The following CACNA2D1 variants were observed in gnomAD, a reference collection of about 807,000 sequenced individuals.
The protein encoded by CACNA2D1 is calcium voltage-gated channel auxiliary subunit alpha2delta 1.
CACNA2D1 carries 53 observed loss-of-function variants against 171.5 expected under a neutral mutation model. The ratio of observed to expected loss-of-function variants is 0.31; its 90% CI spans 0.25 to 0.39. The LOEUF (loss-of-function observed/expected upper bound fraction) is 0.39. Ranked by LOEUF, CACNA2D1 falls within the 10% of genes least tolerant of loss-of-function variation. The pLI is 1.00. For missense variants in CACNA2D1, 903 were observed against 1,299.8 expected (o/e 0.69, Z 4.69); for synonymous variants, 442 against 443.1 (o/e 1.00, Z 0.03).
intron 12 of CACNA2D1, chr7:82,023,804 G>T (rs562298275): frequency 6.6e-6 from 1 of 151,796 alleles, no homozygotes; most frequent in East Asian, 1.9e-4. Flanking sequence ...TATGTCCACT[G>T]ATTAGTAACT....
intron 8 of CACNA2D1, 76 bp downstream of exon 8, chr7:82,066,379 A>G (rs1807601650): frequency 8.3e-6 from 13 of 1,560,604 alleles, no homozygotes; most frequent in Non-Finnish European, 1.0e-5. Context: ...TCCTAATAAT[A>G]AAAAATTCTG....
intron 3 of CACNA2D1, among the ~76,000 whole-genome samples, chr7:82,238,089 T>G (rs186254492): frequency 2.0e-5 from 3 of 151,928 alleles, no homozygotes; most frequent in Non-Finnish European, 4.4e-5. Flanking sequence ...AATGAGGAAA[T>G]GAAAAGATAG....
At chr7:81,971,687 T>G in intron 26 of CACNA2D1, 90 bp downstream of exon 26, 1 of 770,082 alleles carries the variant, frequency 1.3e-6, no homozygotes, top group Non-Finnish European at 2.3e-6. Flanking sequence ...TAATGAACTG[T>G]AAATTTATGA....
At chr7:82,402,395 G>A (rs1826525150) in intron 1 of CACNA2D1, among the ~76,000 whole-genome samples, 1 of 152,086 alleles carries the variant, frequency 6.6e-6, no homozygotes, top group South Asian at 2.1e-4. Flanking sequence ...CCAGAATGAA[G>A]ATAGAAGGAG....
chr7:82,111,621 A>G (rs1258405017), intron 6 of CACNA2D1, among the ~76,000 whole-genome samples: 1 of 150,608 alleles, frequency 6.6e-6, no homozygotes, highest in African/African-American at 2.4e-5. Context: ...CTGTTTTTAA[A>G]ATTTGTTTAG....
intron 12 of CACNA2D1, among the ~76,000 whole-genome samples, chr7:82,026,048 T>C (rs1272329296): frequency 2.2e-5 from 3 of 136,816 alleles, no homozygotes; most frequent in Non-Finnish European, 4.8e-5. Flanking sequence ...CTCGTGTCAG[T>C]TTTTTTTTTT....
chr7:82,247,122 T>C (rs1307923322), intron 3 of CACNA2D1, among the ~76,000 whole-genome samples: 1 of 152,132 alleles, frequency 6.6e-6, no homozygotes, highest in Admixed American at 6.6e-5. Context: ...AGTGGGGAAA[T>C]ACAATTACAG....
intron 2 of CACNA2D1, among the ~76,000 whole-genome samples, chr7:82,336,155 T>G (rs1325362580): frequency 6.6e-6 from 1 of 152,188 alleles, no homozygotes; most frequent in South Asian, 2.1e-4. Flanking sequence ...AGGTTTTTAC[T>G]GTCTTATGAG....
chr7:82,064,020 C>T (rs934230893), intron 9 of CACNA2D1, among the ~76,000 whole-genome samples: 11 of 151,550 alleles, frequency 7.3e-5, no homozygotes, highest in African/African-American at 2.7e-4. Flanking sequence ...CTACCATGCC[C>T]GAACAAGTTC....
intron 18 of CACNA2D1, among the ~76,000 whole-genome samples, chr7:81,999,250 T>C (rs572688182): frequency 6.6e-6 from 1 of 152,296 alleles, no homozygotes; most frequent in African/African-American, 2.4e-5. Flanking sequence ...ACTTTTAATA[T>C]AGCAATCTAG....
chr7:82,191,873 T>A (rs1359248486), intron 3 of CACNA2D1, among the ~76,000 whole-genome samples: 1 of 151,798 alleles, frequency 6.6e-6, no homozygotes, highest in Non-Finnish European at 1.5e-5. Flanking sequence ...ACAAGCTTAA[T>A]GAGATACGCT....
chr7:82,388,157 G>A (rs2129450242), intron 1 of CACNA2D1, among the ~76,000 whole-genome samples: 1 of 152,066 alleles, frequency 6.6e-6, no homozygotes, highest in East Asian at 1.9e-4. Flanking sequence ...TGCTGGCAGG[G>A]TTGGCTTCTT....
At chr7:82,409,688 T>C (rs1212541058) in intron 1 of CACNA2D1, among the ~76,000 whole-genome samples, 1 of 152,202 alleles carries the variant, frequency 6.6e-6, no homozygotes, top group Non-Finnish European at 1.5e-5. Flanking sequence ...CAATGTACAA[T>C]GTGATTGCTG....
rs796391498 is a variant in CACNA2D1, at chr7:82,071,706, TTCC to T, written c.659-5185_659-5183del. On this transcript the variant is annotated intron_variant, in intron 7 of 38. Transcript: ENST00000356860. Reference sequence around the variant, plus strand: ...CCTGTAACAGGGCTTCAATATGCATTTCCTCCTCCTTCCTTCTAGTAAGAGTCC... The same window carrying T: ...CCTGTAACAGGGCTTCAATATGCATTTCCTCCTTCCTTCTAGTAAGAGTCC... 2.0e-5 allele frequency among the ~76,000 whole-genome samples: 3 copies of T among 152,124 alleles called. No homozygotes were observed. In the South Asian group the frequency reaches 6.2e-4, roughly 32 times the overall value.
At chr7:82,165,308 CATG>C (rs1268647052) in intron 4 of CACNA2D1, among the ~76,000 whole-genome samples, 2 of 152,006 alleles carry the variant, frequency 1.3e-5, no homozygotes, top group Non-Finnish European at 2.9e-5. Context: ...GACATATCAT[CATG>C]ATGTCTGACT....
At chr7:82,361,614 A>C (rs1446848793) in intron 1 of CACNA2D1, among the ~76,000 whole-genome samples, 2 of 152,148 alleles carry the variant, frequency 1.3e-5, no homozygotes, top group Admixed American at 6.6e-5. Flanking sequence ...CTAGGCAATT[A>C]AATTTTTTAA....
chr7:82,213,925 C>G (rs947153723), intron 3 of CACNA2D1, among the ~76,000 whole-genome samples: 1 of 152,134 alleles, frequency 6.6e-6, no homozygotes, highest in Non-Finnish European at 1.5e-5. Flanking sequence ...GTATTTCTCA[C>G]AGTTCTGGAG....
intron 1 of CACNA2D1, among the ~76,000 whole-genome samples, chr7:82,413,842 A>T (rs576648199): frequency 6.6e-6 from 1 of 152,240 alleles, no homozygotes; most frequent in African/African-American, 2.4e-5. Context: ...ACACACATAT[A>T]TACTCACTAA....
intron 3 of CACNA2D1, among the ~76,000 whole-genome samples, chr7:82,193,859 G>A (rs1176173403): frequency 2.6e-5 from 4 of 151,888 alleles, no homozygotes; most frequent in African/African-American, 7.3e-5. Flanking sequence ...ATCAAAGAAC[G>A]TATTTACTTA....
Sources: gnomAD v4.1 joint callset for allele counts (sites outside exome capture counted in the v4.1 genomes callset) on GRCh38, gnomAD v4.1.1 for gene constraint, MANE v1.5 for transcripts, NCBI Gene and HGNC (gene_info 2026-07-23, HGNC 2026-07-21) for gene names.